DNAH6: variants seen among roughly 807,000 people sequenced by gnomAD.
DNAH6 encodes dynein axonemal heavy chain 6.
Under a neutral mutation model 491.4 loss-of-function variants are expected in DNAH6, and 340 were observed. The ratio of observed to expected loss-of-function variants is 0.69; its 90% CI spans 0.63 to 0.76. The LOEUF (loss-of-function observed/expected upper bound fraction) is 0.76. DNAH6 is among the 30% of genes least tolerant of loss of function. The pLI, the probability that DNAH6 is intolerant of heterozygous loss-of-function variation, is 0.00. For synonymous variants in DNAH6, 1,603 were observed against 1,686.1 expected (o/e 0.95, Z 1.21); for missense variants, 4,443 against 4,972.2 (o/e 0.89, Z 3.20).
At position 84,621,291 on chromosome 2, in the gene DNAH6, C is replaced by T. The variant is rs1441950863; in HGVS notation, c.3893C>T (p.Ala1298Val). The change falls in exon 25 of 77, where the codon GCT becomes GTT. Residue 1298 changes from alanine (A) to valine (V), a missense_variant. This residue lies in a region of DNAH6 where 2,977 missense variants were observed against 3,296.6 expected (regional missense o/e 0.90). Transcript: ENST00000389394. ...MFTSLRRLCK[A>V]AIADYQGKLR... ...ACATCTCTGCGTCGCCTGTGCAAAG[C>T]TGCCATCGCTGACTATCAGGGGAAA... 2 of 1,551,520 alleles carry T rather than the reference C, an allele frequency of 1.3e-6. No homozygotes were observed. The highest frequency in any genetic ancestry group is 2.4e-5 in the East Asian group (1 of 40,934).
chr2:84,532,913 T>G (rs1677313745), intron 4 of DNAH6, among the ~76,000 whole-genome samples: 1 of 152,190 alleles, frequency 6.6e-6, no homozygotes, highest in African/African-American at 2.4e-5. Flanking sequence ...ATGCACATCA[T>G]TATAAAGTGT....
chr2:84,618,608 G>GAA (rs34717024), intron 23 of DNAH6, among the ~76,000 whole-genome samples: 1 of 138,852 alleles, frequency 7.2e-6, no homozygotes, highest in Non-Finnish European at 1.6e-5. Flanking sequence ...CCCGTGATTG[G>GAA]AAAAAAAAAA....
At chr2:84,730,378 T>C (rs780230663) in intron 61 of DNAH6, among the ~76,000 whole-genome samples, 2 of 152,204 alleles carry the variant, frequency 1.3e-5, no homozygotes, top group Non-Finnish European at 2.9e-5. Flanking sequence ...TTCTGCAAAT[T>C]GAGGTCTCCA....
chr2:84,519,461 A>T (rs972705470), intron 2 of DNAH6, among the ~76,000 whole-genome samples: 3 of 152,114 alleles, frequency 2.0e-5, no homozygotes, highest in Non-Finnish European at 4.4e-5. Flanking sequence ...TGCAGAGAGA[A>T]AGTAGCTTAA....
At chr2:84,651,663 A>T (rs899758970) in intron 33 of DNAH6, among the ~76,000 whole-genome samples, 2 of 152,050 alleles carry the variant, frequency 1.3e-5, no homozygotes, top group African/African-American at 4.8e-5. Context: ...ACAAAAAGAC[A>T]CAAGGGACTA....
At chr2:84,735,084 T>C (rs1052039611) in intron 62 of DNAH6, among the ~76,000 whole-genome samples, 2 of 152,122 alleles carry the variant, frequency 1.3e-5, no homozygotes, top group African/African-American at 4.8e-5. Context: ...CAGGGTCTAT[T>C]GTTCCCTCCT....
At chr2:84,532,428 T>A (rs1677262407) in intron 4 of DNAH6, among the ~76,000 whole-genome samples, 1 of 152,290 alleles carries the variant, frequency 6.6e-6, no homozygotes, top group East Asian at 1.9e-4. Context: ...ATTTGGATGC[T>A]ATGGAGTTGG....
intron 33 of DNAH6, among the ~76,000 whole-genome samples, chr2:84,647,692 G>A (rs770557375): frequency 3.3e-5 from 5 of 152,164 alleles, no homozygotes; most frequent in Non-Finnish European, 7.3e-5. Flanking sequence ...AAGAGTACTC[G>A]CTGGCAGCAC....
At chr2:84,512,825 G>C (rs1490148822), upstream of DNAH6, among the ~76,000 whole-genome samples, 1 of 152,110 alleles carries the variant, frequency 6.6e-6, no homozygotes, top group Admixed American at 6.5e-5. Context: ...TTTGCTTACA[G>C]TATGCATGAA....
chr2:84,509,647 T>C, the DNAH6 span, among the ~76,000 whole-genome samples: 1 of 152,232 alleles, frequency 6.6e-6, no homozygotes, highest in Admixed American at 6.5e-5. Context: ...TGCTCTTTAG[T>C]TGATGCAGTT....
chr2:84,718,295 A>C lies in DNAH6; in HGVS notation c.9703A>C (p.Ile3235Leu). 3 of 1,551,544 alleles carry C rather than the reference A, an allele frequency of 1.9e-6. No homozygotes were observed. Among genetic ancestry groups the C allele is most frequent in the Non-Finnish European group, 2.6e-6 (3 of 1,146,920 alleles). Residue 3235 changes from isoleucine (I) to leucine (L), a missense_variant, in exon 59 of 77, where the codon ATC becomes CTC. Physicochemically the swap from Ile to Leu is conservative, Grantham distance 5. Coordinates refer to ENST00000389394, the MANE Select transcript of DNAH6 (RefSeq NM_001370.2). ...INTDKNQLKT[I>L]EEKILRMLFT... ...CACTGATAAAAACCAGTTGAAAACTATCGAAGAGAAAATCCTGAGAATGCT... is the reference window on the plus strand; with the variant it reads ...CACTGATAAAAACCAGTTGAAAACTCTCGAAGAGAAAATCCTGAGAATGCT...
rs150561196 is a variant in DNAH6 at position 84,615,776 on chromosome 2, A to ATT, written c.3476-1101_3476-1100dup. Among the ~76,000 whole-genome samples the ATT allele has an allele frequency of 2.3e-3, 336 of 148,820 alleles. 1 individual carries two copies. Among genetic ancestry groups the ATT allele is most frequent in the African/African-American group, 7.9e-3 (323 of 40,748 alleles). On this transcript the variant is annotated intron_variant, in intron 22 of 76. Coordinates refer to ENST00000389394, the MANE Select transcript of DNAH6 (RefSeq NM_001370.2). ...TCCTTGGTTAAGTATATTTCTAAGTATTTTTTTTTTGCAGCTATTGTATTT... is the reference window on the plus strand; with the variant it reads ...TCCTTGGTTAAGTATATTTCTAAGTATTTTTTTTTTTTGCAGCTATTGTATTT...
At chr2:84,680,952 G>T (rs767883187) in intron 41 of DNAH6, among the ~76,000 whole-genome samples, 1 of 152,072 alleles carries the variant, frequency 6.6e-6, no homozygotes, top group African/African-American at 2.4e-5. Context: ...CAAGTAAGTC[G>T]CATTTAAAAT....
the DNAH6 span, chr2:84,459,703 ATCCCAGGCCCATCTCCT>A: frequency 1.2e-5 from 2 of 163,488 alleles, no homozygotes; most frequent in African/African-American, 4.8e-5. Context: ...AGAACTTTGT[ATCCCAGGCCCATCTCCT>A]TCCCCCTTCG....
chr2:84,770,833 A>G (rs185920978), intron 64 of DNAH6, among the ~76,000 whole-genome samples: 64 of 151,858 alleles, frequency 4.2e-4, no homozygotes, highest in African/African-American at 1.5e-3. Context: ...AAATAATAAT[A>G]ATAATAATTA....
the DNAH6 span, among the ~76,000 whole-genome samples, chr2:84,510,430 T>C: frequency 6.6e-6 from 1 of 152,208 alleles, no homozygotes; most frequent in African/African-American, 2.4e-5. Flanking sequence ...CTCCATCAGG[T>C]CCTTTAAGGA....
At chr2:84,616,277 G>A (rs531486911) in intron 22 of DNAH6, among the ~76,000 whole-genome samples, 46 of 152,176 alleles carry the variant, frequency 3.0e-4, no homozygotes, top group African/African-American at 1.1e-3. Flanking sequence ...TGTCAGTGGA[G>A]TATTGAAGTC....
At chr2:84,596,761 A>C (rs1289711788) in intron 18 of DNAH6, among the ~76,000 whole-genome samples, 1 of 152,182 alleles carries the variant, frequency 6.6e-6, no homozygotes, top group East Asian at 1.9e-4. Flanking sequence ...TTATTTGCAT[A>C]ATATTTTTCC....
the DNAH6 span, among the ~76,000 whole-genome samples, chr2:84,463,974 G>T: frequency 3.8e-4 from 58 of 152,194 alleles, no homozygotes; most frequent in Admixed American, 2.1e-3. Context: ...ATCTTACCTT[G>T]ATTTTTTGTG....
Sources: allele counts gnomAD v4.1 joint callset (sites outside exome capture counted in the v4.1 genomes callset), GRCh38; gene constraint gnomAD v4.1.1; regional missense constraint gnomAD v4.1.1; transcripts MANE v1.5; gene names NCBI Gene and HGNC (gene_info 2026-07-23, HGNC 2026-07-21).